The following SUGCT variants were observed in gnomAD, a reference collection of about 807,000 sequenced individuals.
SUGCT encodes succinyl-CoA:glutarate CoA-transferase.
A neutral mutation model predicts 55.0 loss-of-function variants in SUGCT; 41 were observed. That is an observed-to-expected ratio of 0.74 (90% confidence interval 0.58 to 0.97). The LOEUF (loss-of-function observed/expected upper bound fraction) is 0.97. Ranked by LOEUF, SUGCT falls within the 50% of genes least tolerant of loss-of-function variation. The pLI is 0.00. For missense variants in SUGCT, 568 were observed against 547.8 expected (o/e 1.04, Z -0.37); for synonymous variants, 187 against 200.4 (o/e 0.93, Z 0.56).
At chr7:40,554,375 G>A (rs1004811247) in intron 12 of SUGCT, among the ~76,000 whole-genome samples, 8 of 152,134 alleles carry the variant, frequency 5.3e-5, no homozygotes, top group African/African-American at 1.9e-4. Context: ...AACTTGTTAG[G>A]GAATGAATCT....
chr7:40,900,927 G>A, the SUGCT span, among the ~76,000 whole-genome samples: 1 of 152,170 alleles, frequency 6.6e-6, no homozygotes, highest in Non-Finnish European at 1.5e-5. Context: ...AGATAAATGA[G>A]GGAAAATATA....
chr7:40,899,146 T>G, the SUGCT span, among the ~76,000 whole-genome samples: 12 of 152,174 alleles, frequency 7.9e-5, no homozygotes, highest in African/African-American at 2.9e-4. Context: ...CTGCTGCTCT[T>G]CCTCTCGCTT....
intron 8 of SUGCT, among the ~76,000 whole-genome samples, chr7:40,282,287 G>A (rs1320033458): frequency 6.6e-6 from 1 of 151,856 alleles, no homozygotes; most frequent in Non-Finnish European, 1.5e-5. Context: ...GGCCAATGTA[G>A]TGAAACTCCA....
the SUGCT span, among the ~76,000 whole-genome samples, chr7:40,919,816 G>A: frequency 6.6e-6 from 1 of 152,130 alleles, no homozygotes; most frequent in East Asian, 1.9e-4. Context: ...ACCTGACAAA[G>A]TCCTACATGT....
chr7:40,551,534 T>A (rs1223267071), intron 12 of SUGCT, among the ~76,000 whole-genome samples: 1 of 152,150 alleles, frequency 6.6e-6, no homozygotes, highest in Non-Finnish European at 1.5e-5. Context: ...AATAAATATA[T>A]ATGTTGTGCT....
intron 12 of SUGCT, among the ~76,000 whole-genome samples, chr7:40,595,781 T>G (rs1344354105): frequency 6.6e-6 from 1 of 152,188 alleles, no homozygotes; most frequent in Admixed American, 6.5e-5. Context: ...AGATGATCTT[T>G]GCTAACAAAG....
At chr7:40,840,199 T>G (rs1469752715) in intron 13 of SUGCT, among the ~76,000 whole-genome samples, 1 of 152,128 alleles carries the variant, frequency 6.6e-6, no homozygotes, top group Non-Finnish European at 1.5e-5. Flanking sequence ...TTTGAGCCAC[T>G]TTGTGAACTC....
At chr7:40,296,955 A>G (rs1283087796) in intron 8 of SUGCT, among the ~76,000 whole-genome samples, 1 of 152,184 alleles carries the variant, frequency 6.6e-6, no homozygotes, top group Non-Finnish European at 1.5e-5. Context: ...GAAATGCTCT[A>G]TGCTTTAGTT....
At chr7:40,909,772 T>G in the SUGCT span, among the ~76,000 whole-genome samples, 13 of 152,210 alleles carry the variant, frequency 8.5e-5, no homozygotes, top group Admixed American at 1.3e-4. Context: ...TGAGGTAGTT[T>G]GGACTCATCT....
chr7:40,615,232 T>C (rs1798944253), intron 12 of SUGCT, among the ~76,000 whole-genome samples: 1 of 152,088 alleles, frequency 6.6e-6, no homozygotes, highest in Non-Finnish European at 1.5e-5. Context: ...AACTACAAGC[T>C]CCTCAGTTTT....
the SUGCT span, among the ~76,000 whole-genome samples, chr7:40,869,664 G>A: frequency 7.8e-6 from 1 of 127,674 alleles, no homozygotes; most frequent in Non-Finnish European, 1.6e-5. Context: ...ATATACCCAC[G>A]AATGTCATTT....
At chr7:40,717,544 G>A (rs1341093090) in intron 12 of SUGCT, among the ~76,000 whole-genome samples, 2 of 152,210 alleles carry the variant, frequency 1.3e-5, no homozygotes, top group Admixed American at 6.5e-5. Flanking sequence ...AAAAGCTTCT[G>A]ATGTAAACAC....
chr7:40,568,455 T>G (rs919080113), intron 12 of SUGCT, among the ~76,000 whole-genome samples: 1 of 152,162 alleles, frequency 6.6e-6, no homozygotes, highest in South Asian at 2.1e-4. Context: ...ACAAAACTTA[T>G]AGAAAATGAA....
At chr7:40,278,012 A>G (rs1328195346) in intron 8 of SUGCT, among the ~76,000 whole-genome samples, 1 of 152,124 alleles carries the variant, frequency 6.6e-6, no homozygotes, top group Admixed American at 6.6e-5. Context: ...TACGAAGGAC[A>G]TGAACTCATC....
At chr7:40,249,317 A>ATATCTATATATATATATCTATATATATC (rs1562611996) in intron 7 of SUGCT, among the ~76,000 whole-genome samples, 1 of 21,528 alleles carries the variant, frequency 4.6e-5, no homozygotes, top group Non-Finnish European at 1.4e-4. Context: ...AAAAAGCTAT[A>ATATCTATATATATATATCTATATATATC]TATATATATA....
At chr7:40,935,453 A>C in the SUGCT span, among the ~76,000 whole-genome samples, 1 of 152,088 alleles carries the variant, frequency 6.6e-6, no homozygotes, top group Non-Finnish European at 1.5e-5. Flanking sequence ...TCTAATTTTT[A>C]TGTTTATGGC....
the SUGCT span, among the ~76,000 whole-genome samples, chr7:40,985,792 C>T: frequency 6.6e-6 from 1 of 152,142 alleles, no homozygotes; most frequent in Non-Finnish European, 1.5e-5. Context: ...TTAGAAAGAT[C>T]ACTCTGTGGA....
At chr7:40,340,976 C>T (rs950038893) in intron 9 of SUGCT, among the ~76,000 whole-genome samples, 7 of 152,090 alleles carry the variant, frequency 4.6e-5, no homozygotes, top group Non-Finnish European at 1.0e-4. Context: ...GGATGTTCTG[C>T]CTGATTGGCC....
At chr7:40,857,575 C>T (rs979462067) in intron 13 of SUGCT, among the ~76,000 whole-genome samples, 5 of 150,934 alleles carry the variant, frequency 3.3e-5, no homozygotes, top group South Asian at 4.2e-4. Context: ...GTATGGCATA[C>T]AGTGGGAGGA....
Sources: gnomAD v4.1 joint callset for allele counts (sites outside exome capture counted in the v4.1 genomes callset) on GRCh38, gnomAD v4.1.1 for gene constraint, MANE v1.5 for transcripts, NCBI Gene and HGNC (gene_info 2026-07-23, HGNC 2026-07-21) for gene names.